PACRGL: variants seen among roughly 807,000 people sequenced by gnomAD.
The protein encoded by PACRGL is parkin coregulated like.
Under a neutral mutation model 34.5 loss-of-function variants are expected in PACRGL, and 38 were observed. The observed-to-expected ratio is 1.10, with a 90% confidence interval of 0.85 to 1.44. The LOEUF (loss-of-function observed/expected upper bound fraction) is 1.44, where lower values mean the gene tolerates loss of function less well. PACRGL is among the 40% of genes most tolerant of loss of function. The pLI is 0.00. For missense variants in PACRGL, 305 were observed against 281.4 expected, an observed-to-expected ratio of 1.08 and a Z score of -0.60; for synonymous variants, 128 against 100.1, an observed-to-expected ratio of 1.28 and a Z score of -1.66.
At chr4:20,763,794 C>T in the PACRGL span, among the ~76,000 whole-genome samples, 5 of 152,150 alleles carry the variant, frequency 3.3e-5, no homozygotes, top group African/African-American at 1.2e-4. Flanking sequence ...TTCCCTGCCA[C>T]AAGCAATCCT....
chr4:20,763,197 A>G, the PACRGL span, among the ~76,000 whole-genome samples: 2 of 152,090 alleles, frequency 1.3e-5, no homozygotes, highest in African/African-American at 4.8e-5. Context: ...AATCTGAAAT[A>G]CTCCAATGAG....
the PACRGL span, among the ~76,000 whole-genome samples, chr4:20,765,693 T>C: frequency 5.3e-5 from 8 of 152,212 alleles, no homozygotes; most frequent in South Asian, 2.1e-4. Flanking sequence ...GGTATACTTA[T>C]CTATGATGAC....
chr4:20,740,906 A>G (rs1388294430), intron 8 of PACRGL, among the ~76,000 whole-genome samples: 2 of 152,172 alleles, frequency 1.3e-5, no homozygotes, highest in Non-Finnish European at 2.9e-5. Context: ...ACAAAAAAAA[A>G]GCAGGGGTTG....
chr4:20,736,487 G>A (rs1026125010), downstream of PACRGL, among the ~76,000 whole-genome samples: 3 of 152,080 alleles, frequency 2.0e-5, no homozygotes, highest in African/African-American at 7.2e-5. Context: ...TCAATTTGCT[G>A]ACATACGTTG....
At chr4:20,749,794 A>G (rs1407261156) in intron 8 of PACRGL, 7 of 1,109,044 alleles carry the variant, frequency 6.3e-6, no homozygotes, top group Admixed American at 3.7e-5. Flanking sequence ...TAAGACTTGG[A>G]TAGCAGTCCA....
downstream of PACRGL, among the ~76,000 whole-genome samples, chr4:20,736,587 C>T (rs1418088386): frequency 1.3e-5 from 2 of 151,730 alleles, no homozygotes; most frequent in East Asian, 3.9e-4. Flanking sequence ...TTACTTTTTT[C>T]TAATTATATG....
intron 7 of PACRGL, 105 bp downstream of exon 7, chr4:20,713,644 A>G (rs1738399789): frequency 3.4e-6 from 3 of 876,160 alleles, no homozygotes; most frequent in Middle Eastern, 5.0e-4. Flanking sequence ...AACCTTAAAA[A>G]TCTCCCTCTA....
the PACRGL span, chr4:20,758,748 A>G: frequency 8.8e-7 from 1 of 1,141,690 alleles, no homozygotes. Context: ...TCATGCTATG[A>G]AAAATTAAAC....
intron 7 of PACRGL, chr4:20,716,107 G>T: frequency 6.6e-7 from 1 of 1,526,098 alleles, no homozygotes. Flanking sequence ...TATTTACTAG[G>T]ACCCTGTGCA....
intron 8 of PACRGL, among the ~76,000 whole-genome samples, chr4:20,738,611 T>C (rs1750274701): frequency 6.6e-6 from 1 of 152,172 alleles, no homozygotes; most frequent in Non-Finnish European, 1.5e-5. Context: ...AAGATAGCAC[T>C]TTTGGGGAAT....
chr4:20,739,095 C>G (rs1750426610), intron 8 of PACRGL, among the ~76,000 whole-genome samples: 1 of 152,210 alleles, frequency 6.6e-6, no homozygotes, highest in African/African-American at 2.4e-5. Flanking sequence ...GAAGCTCAAA[C>G]TAGGTGGAGC....
exon 9 of PACRGL, chr4:20,752,842 G>T (rs1263200711): frequency 6.6e-6 from 1 of 152,168 alleles, no homozygotes; most frequent in African/African-American, 2.4e-5. Flanking sequence ...AGCATCTATG[G>T]TTCTGGTTTT....
chr4:20,751,096 A>G (rs1459330291), intron 8 of PACRGL, among the ~76,000 whole-genome samples: 2 of 152,136 alleles, frequency 1.3e-5, no homozygotes, highest in African/African-American at 4.8e-5. Context: ...TGAAGGCTAT[A>G]CATTTCATGA....
chr4:20,704,888 C>T, intron 3 of PACRGL, 74 bp downstream of exon 3: 1 of 1,509,444 alleles, frequency 6.6e-7, no homozygotes, highest in Non-Finnish European at 9.1e-7. Flanking sequence ...ATGCTGGATG[C>T]TGTGTTGAGT....
rs1404954245 is a variant in PACRGL, at chr4:20,729,528, T to TAA, written c.*2187_*2188insAA. The TAA allele has an allele frequency of 7.9e-5, 11 of 139,480 alleles. No individual in the cohort carries two copies. Among genetic ancestry groups the TAA allele is most frequent in the Non-Finnish European group, 9.7e-5 (6 of 61,994 alleles). The allele number at this position is 139,480 out of a possible 1,614,324, so 8.6% of individuals were successfully genotyped here. On this transcript the variant is annotated 3_prime_UTR_variant, in exon 9 of 9. Transcript: ENST00000503585. ...TTTAAAAATGCCAGATAAAACTAATTTCTAACAGAAGGTGGGAAGGCCATA... is the reference window on the plus strand; with the variant it reads ...TTTAAAAATGCCAGATAAAACTAATTAATCTAACAGAAGGTGGGAAGGCCATA...
chr4:20,704,716 C>A lies in PACRGL; in HGVS notation c.109C>A (p.Gln37Lys), dbSNP rs1471432351. 1 of 1,613,922 alleles carries A rather than the reference C, an allele frequency of 6.2e-7. No homozygotes were observed. The highest frequency in any genetic ancestry group is 8.5e-7 in the Non-Finnish European group (1 of 1,179,948). ...ACAGTTAAAACACAGGAATGCAGTT[C>A]AGGGAAGCAAATCCTCATTGTCAAC... ...STQLKHRNAV[Q>K]GSKSSLSTSS... The change falls in exon 3 of 9, where the codon CAG becomes AAG. Residue 37 changes from glutamine (Q) to lysine (K), a missense_variant. Coordinates refer to ENST00000503585, the MANE Select transcript of PACRGL (RefSeq NM_001258345.3).
chr4:20,732,157 A>G lies in PACRGL; in HGVS notation c.*4816A>G. On this transcript the variant is annotated 3_prime_UTR_variant, in exon 9 of 9. Coordinates refer to ENST00000503585, the MANE Select transcript of PACRGL (RefSeq NM_001258345.3). ...AAATGAGCTGAAGCTGATAAAAAGA[A>G]AACCTAGCTGCTTATTTATTTCACG... The G allele has an allele frequency of 1.2e-6, 1 of 861,604 alleles. No homozygotes were observed. The highest frequency in any genetic ancestry group is 2.3e-4 in the Middle Eastern group (1 of 4,280). 53.4% of individuals were successfully genotyped at this position (861,604 alleles called of 1,614,324 possible).
intron 1 of PACRGL, among the ~76,000 whole-genome samples, 199 bp from the exon 2 acceptor site, chr4:20,704,267 A>G (rs1733553381): frequency 6.6e-6 from 1 of 152,072 alleles, no homozygotes; most frequent in Non-Finnish European, 1.5e-5. Flanking sequence ...GGAGATGATT[A>G]TTTTGCTGTT....
upstream of PACRGL, among the ~76,000 whole-genome samples, chr4:20,698,435 C>T (rs1189773468): frequency 1.3e-5 from 2 of 152,138 alleles, no homozygotes; most frequent in Non-Finnish European, 2.9e-5. Context: ...TCCTATCGCC[C>T]AACTCAGCGT....
Sources: gnomAD v4.1 joint callset for allele counts (sites outside exome capture counted in the v4.1 genomes callset) on GRCh38, gnomAD v4.1.1 for gene constraint, MANE v1.5 for transcripts, NCBI Gene and HGNC (gene_info 2026-07-23, HGNC 2026-07-21) for gene names.